Variants in PFKFB3 observed in about 807,000 individuals in gnomAD.
PFKFB3 encodes 6-phosphofructo-2-kinase/fructose-2,6-bisphosphatase 3.
A neutral mutation model predicts 68.0 loss-of-function variants in PFKFB3; 33 were observed. The ratio of observed to expected loss-of-function variants is 0.49; its 90% CI spans 0.37 to 0.65. The LOEUF is 0.65. PFKFB3 is among the 30% of genes least tolerant of loss of function. The probability of loss-of-function intolerance (pLI) is 0.00; values close to 1 mark genes in which losing one functional copy is unlikely to be tolerated. For missense variants in PFKFB3, 586 were observed against 712.2 expected, an observed-to-expected ratio of 0.82 and a Z score of 2.02; for synonymous variants, 315 against 288.2, an observed-to-expected ratio of 1.09 and a Z score of -0.94.
At chr10:6,209,611 C>G (rs1366845754) in intron 1 of PFKFB3, among the ~76,000 whole-genome samples, 1 of 151,896 alleles carries the variant, frequency 6.6e-6, no homozygotes, top group Non-Finnish European at 1.5e-5. Flanking sequence ...ATTACAGGTG[C>G]CTGCTACCAC....
chr10:6,178,982 G>A (rs1027811215), intron 1 of PFKFB3, among the ~76,000 whole-genome samples: 2 of 152,260 alleles, frequency 1.3e-5, no homozygotes, highest in Admixed American at 1.3e-4. Context: ...CTCTGAGGCG[G>A]CTTTCTTATC....
At chr10:6,165,865 A>G (rs901134510) in intron 1 of PFKFB3, among the ~76,000 whole-genome samples, 5 of 151,554 alleles carry the variant, frequency 3.3e-5, no homozygotes, top group Non-Finnish European at 7.4e-5. Context: ...CCCAGACTGA[A>G]GTGCAGTGGT....
chr10:6,227,965 A>G (rs1845464958), intron 14 of PFKFB3, among the ~76,000 whole-genome samples: 1 of 152,120 alleles, frequency 6.6e-6, no homozygotes, highest in Non-Finnish European at 1.5e-5. Flanking sequence ...AAGGGGGTTG[A>G]TATCCTGAGC....
downstream of PFKFB3, among the ~76,000 whole-genome samples, chr10:6,236,620 T>C (rs1164223164): frequency 6.6e-6 from 1 of 152,242 alleles, no homozygotes; most frequent in Non-Finnish European, 1.5e-5. Context: ...CTGGGGAACC[T>C]GAGGCCACCT....
At chr10:6,261,625 G>A in the PFKFB3 span, among the ~76,000 whole-genome samples, 6 of 152,140 alleles carry the variant, frequency 3.9e-5, no homozygotes, top group African/African-American at 1.4e-4. Flanking sequence ...TTGGGAGGCC[G>A]AGAAGGGCAA....
intron 14 of PFKFB3, chr10:6,231,527 G>T (rs373821395): frequency 3.0e-6 from 3 of 985,246 alleles, no homozygotes; most frequent in Non-Finnish European, 3.6e-6. Context: ...GACATCACCC[G>T]GTCTTGCAGG....
At chr10:6,225,806 G>A (rs929288147) in intron 13 of PFKFB3, among the ~76,000 whole-genome samples, 3 of 152,164 alleles carry the variant, frequency 2.0e-5, no homozygotes, top group African/African-American at 7.2e-5. Flanking sequence ...CAGCCTGTGA[G>A]CCTCAGGCCC....
intron 1 of PFKFB3, among the ~76,000 whole-genome samples, chr10:6,156,649 G>C (rs1180624118): frequency 6.7e-6 from 1 of 148,948 alleles, no homozygotes; most frequent in Non-Finnish European, 1.5e-5. Context: ...CACCATGCCC[G>C]GCTAATTTTT....
the PFKFB3 span, among the ~76,000 whole-genome samples, chr10:6,281,182 T>TATATATATATATAC: frequency 7.5e-6 from 1 of 133,610 alleles, no homozygotes. Context: ...TATATATATA[T>TATATATATATATAC]ACACCACAGT....
chr10:6,188,364 T>C lies in PFKFB3; in HGVS notation c.17-25259T>C, dbSNP rs559146423. 3.3e-5 allele frequency among the ~76,000 whole-genome samples: 5 copies of C among 151,708 alleles called. No individual in the cohort carries two copies. In the South Asian group the frequency reaches 1.0e-3, roughly 32 times the overall value. ...ACATTTAGAGTGATTCAAGGTTTCA[T>C]CCAGGCTCACAAGCCTTTCATCTAG... On this transcript the variant is annotated intron_variant, in intron 1 of 14. Transcript: ENST00000379789.
At chr10:6,162,303 C>G (rs10905924) in intron 1 of PFKFB3, among the ~76,000 whole-genome samples, 62,351 of 152,152 alleles carry the variant, frequency 0.41, 13,880 homozygotes, top group Non-Finnish European at 0.51. Context: ...ACATGGATTA[C>G]TCTACCTTCT....
At position 6,228,152 on chromosome 10, in the gene PFKFB3, G is replaced by A. The variant is rs762579012; in HGVS notation, c.1515+1787G>A. On this transcript the variant is annotated intron_variant, in intron 14 of 14. Transcript: ENST00000379775. This position sits in a 1 kb window ranked among gnomAD's most constrained non-coding sequence, Gnocchi z 4.5. ...TCAGGGCTTCGTCCCTGCAGATTGC[G>A]CCCTGCCTCCTGACTGACTTCTCTC... 9.3e-6 allele frequency: 15 copies of A among 1,611,900 alleles called. 1 individual carries two copies. Among genetic ancestry groups the A allele is most frequent in the Middle Eastern group, 1.6e-4 (1 of 6,068 alleles).
chr10:6,242,748 C>G (rs986625251), intron 14 of PFKFB3, among the ~76,000 whole-genome samples: 2 of 152,154 alleles, frequency 1.3e-5, no homozygotes, highest in Non-Finnish European at 2.9e-5. Context: ...CTACCACACC[C>G]AGCTAATTTT....
intron 5 of PFKFB3, 32 bp from the exon 6 acceptor site, chr10:6,217,103 G>A: frequency 6.2e-7 from 1 of 1,610,856 alleles, no homozygotes; most frequent in Non-Finnish European, 8.5e-7. Flanking sequence ...CGTGGTGTTT[G>A]TTTTCTAACA....
intron 1 of PFKFB3, among the ~76,000 whole-genome samples, chr10:6,166,818 CTTCTTTTT>C (rs144420501): frequency 0.25 from 31,723 of 129,336 alleles, 2,595 homozygotes; most frequent in South Asian, 0.39. Context: ...AGCCCTTCTT[CTTCTTTTT>C]TTTTTTTTTT....
the PFKFB3 span, among the ~76,000 whole-genome samples, chr10:6,285,040 T>C: frequency 6.6e-6 from 1 of 152,246 alleles, no homozygotes; most frequent in Non-Finnish European, 1.5e-5. Flanking sequence ...AATGCTGCTA[T>C]GAACATTGGT....
chr10:6,196,612 C>T (rs1033735799), intron 1 of PFKFB3, among the ~76,000 whole-genome samples: 2 of 152,156 alleles, frequency 1.3e-5, no homozygotes, highest in East Asian at 1.9e-4. Context: ...AAGATGTAGG[C>T]GCAGAGACTA....
At position 6,232,855 on chromosome 10, in the gene PFKFB3, T is replaced by TC. The variant is rs746752442; in HGVS notation, c.1516-38dup. On this transcript the variant is annotated intron_variant, in intron 14 of 14. Transcript: ENST00000379775. ...GCTTTAGAATTCAGCCAGCTACAAA[T>TC]CCTAACTCCCTCCCCACCTCTCTTT... 1.3e-5 allele frequency: 20 copies of TC among 1,565,498 alleles called. No individual in the cohort carries two copies. The Admixed American group carries it at 3.0e-4, about 24-fold the overall frequency.
Position 6,234,419 on chromosome 10 carries a change from G to C in PFKFB3, c.*1477G>C, listed in dbSNP as rs1064889. ...TGGGAAGAGCTTTTAAAGAATGCATGTTTTTTTCCTGGTTGGAATTGAGTA... is the reference window on the plus strand; with the variant it reads ...TGGGAAGAGCTTTTAAAGAATGCATCTTTTTTTCCTGGTTGGAATTGAGTA... On this transcript the variant is annotated 3_prime_UTR_variant, in exon 15 of 15. Transcript: ENST00000379775. The C allele has an allele frequency of 6.6e-6, 1 of 152,256 alleles. No homozygotes were observed. Among genetic ancestry groups the C allele is most frequent in the African/African-American group, 2.4e-5 (1 of 41,386 alleles). The allele number at this position is 152,256 out of a possible 1,614,324, so 9.4% of individuals were successfully genotyped here.
Sources: allele counts gnomAD v4.1 joint callset (sites outside exome capture counted in the v4.1 genomes callset), GRCh38; gene constraint gnomAD v4.1.1; non-coding constraint Gnocchi (gnomAD v3.1); transcripts MANE v1.5; gene names NCBI Gene and HGNC (gene_info 2026-07-23, HGNC 2026-07-21).